Variants in SLC24A3 observed in about 807,000 individuals in gnomAD.
SLC24A3 encodes the protein solute carrier family 24 member 3.
In SLC24A3, 28 loss-of-function variants were observed where a neutral mutation model predicts 75.8. The ratio of observed to expected loss-of-function variants is 0.37; its 90% CI spans 0.27 to 0.51. The LOEUF (loss-of-function observed/expected upper bound fraction) is 0.51, where lower values mean the gene tolerates loss of function less well. Ranked by LOEUF, SLC24A3 falls within the 20% of genes least tolerant of loss-of-function variation. The probability of loss-of-function intolerance (pLI) is 0.94; values close to 1 mark genes in which losing one functional copy is unlikely to be tolerated. For missense variants in SLC24A3, 663 were observed against 847.8 expected (o/e 0.78, Z 2.71); for synonymous variants, 372 against 334.1 (o/e 1.11, Z -1.24).
chr20:19,511,999 A>G (rs1407148106), intron 2 of SLC24A3, among the ~76,000 whole-genome samples: 1 of 152,084 alleles, frequency 6.6e-6, no homozygotes, highest in African/African-American at 2.4e-5. Context: ...CATTCTACCC[A>G]CATTCAACTC....
intron 1 of SLC24A3, among the ~76,000 whole-genome samples, chr20:19,230,220 G>T (rs978780883): frequency 6.6e-6 from 1 of 152,160 alleles, no homozygotes; most frequent in South Asian, 2.1e-4. Flanking sequence ...ACTCTCACCT[G>T]GTCACAATTG....
intron 7 of SLC24A3, among the ~76,000 whole-genome samples, chr20:19,656,158 C>G (rs936195557): frequency 1.3e-5 from 2 of 152,186 alleles, no homozygotes; most frequent in Non-Finnish European, 2.9e-5. Context: ...CCTGCGGAAC[C>G]AGACAGGTAC....
intron 2 of SLC24A3, among the ~76,000 whole-genome samples, chr20:19,485,221 G>A (rs1304495979): frequency 6.6e-6 from 1 of 152,154 alleles, no homozygotes; most frequent in African/African-American, 2.4e-5. Context: ...GTGTGCATAG[G>A]ATGATGCTGT....
intron 2 of SLC24A3, among the ~76,000 whole-genome samples, chr20:19,487,744 C>T (rs1368158644): frequency 2.6e-5 from 4 of 152,198 alleles, no homozygotes; most frequent in Admixed American, 2.6e-4. Context: ...ACGCTAATAT[C>T]CCAGTGAATT....
At chr20:19,519,439 C>T (rs998767499) in intron 3 of SLC24A3, among the ~76,000 whole-genome samples, 4 of 152,114 alleles carry the variant, frequency 2.6e-5, no homozygotes, top group African/African-American at 9.7e-5. Context: ...TTGAATGTTC[C>T]CTTGGATCTT....
chr20:19,213,502 G>A (rs1272993998), intron 1 of SLC24A3: 1 of 152,430 alleles, frequency 6.6e-6, no homozygotes, highest in Admixed American at 6.5e-5. Flanking sequence ...CAGGTGCCGG[G>A]AACTTCAGGG....
At chr20:19,283,784 T>G (rs181041069) in intron 2 of SLC24A3, among the ~76,000 whole-genome samples, 1 of 152,200 alleles carries the variant, frequency 6.6e-6, no homozygotes, top group Non-Finnish European at 1.5e-5. Flanking sequence ...ACTAATAAAG[T>G]GTGGACAGCT....
intron 7 of SLC24A3, among the ~76,000 whole-genome samples, chr20:19,662,700 T>G (rs2032343202): frequency 6.6e-6 from 1 of 152,368 alleles, no homozygotes; most frequent in Middle Eastern, 3.4e-3. Context: ...TTGCTTTGAT[T>G]TCTTTTACTC....
chr20:19,504,515 A>G (rs552980831), intron 2 of SLC24A3, among the ~76,000 whole-genome samples: 2 of 152,344 alleles, frequency 1.3e-5, no homozygotes, highest in East Asian at 3.9e-4. Flanking sequence ...TTTTCATGCA[A>G]TCTCATCCTT....
chr20:19,326,535 G>C (rs574440004), intron 2 of SLC24A3, among the ~76,000 whole-genome samples: 4 of 151,762 alleles, frequency 2.6e-5, no homozygotes, highest in African/African-American at 9.7e-5. Context: ...AGGGTAAAAA[G>C]GAGAATTTCT....
At chr20:19,645,334 G>T (rs2032124219) in intron 6 of SLC24A3, among the ~76,000 whole-genome samples, 1 of 152,154 alleles carries the variant, frequency 6.6e-6, no homozygotes, top group Non-Finnish European at 1.5e-5. Flanking sequence ...TGAAGAGATG[G>T]CAACTGATTG....
chr20:19,708,035 C>T (rs1209388678), intron 15 of SLC24A3, among the ~76,000 whole-genome samples: 1 of 152,108 alleles, frequency 6.6e-6, no homozygotes, highest in African/African-American at 2.4e-5. Flanking sequence ...AAGAAACAAA[C>T]ATTCACTGAA....
At chr20:19,578,218 T>C (rs2031168528) in intron 3 of SLC24A3, among the ~76,000 whole-genome samples, 1 of 152,128 alleles carries the variant, frequency 6.6e-6, no homozygotes, top group Admixed American at 6.5e-5. Context: ...TGATTTTGAT[T>C]TTAGACTGGA....
intron 1 of SLC24A3, among the ~76,000 whole-genome samples, chr20:19,228,686 T>A (rs1177503987): frequency 6.6e-6 from 1 of 151,822 alleles, no homozygotes; most frequent in Admixed American, 6.6e-5. Flanking sequence ...TGTGATCAAA[T>A]GCCTTATTAA....
intron 2 of SLC24A3, among the ~76,000 whole-genome samples, chr20:19,434,188 A>G (rs1464700985): frequency 6.6e-6 from 1 of 152,234 alleles, no homozygotes; most frequent in African/African-American, 2.4e-5. Flanking sequence ...TTGTGCTCAC[A>G]GAAACCCCCA....
chr20:19,277,753 A>G (rs1983529130), intron 1 of SLC24A3, among the ~76,000 whole-genome samples: 2 of 152,220 alleles, frequency 1.3e-5, no homozygotes. Flanking sequence ...TTCTGCTACA[A>G]TAGCTGGCTT....
At chr20:19,463,342 C>A (rs180947709) in intron 2 of SLC24A3, among the ~76,000 whole-genome samples, 1 of 152,138 alleles carries the variant, frequency 6.6e-6, no homozygotes, top group Non-Finnish European at 1.5e-5. Context: ...TACTCAAGGG[C>A]GCAGGTGCCC....
chr20:19,579,584 A>G (rs916878691), intron 3 of SLC24A3, among the ~76,000 whole-genome samples: 6 of 152,244 alleles, frequency 3.9e-5, no homozygotes, highest in African/African-American at 1.2e-4. Context: ...TTAATTTAAC[A>G]TATAATGTAT....
At chr20:19,687,268 G>T (rs2032687437) in intron 12 of SLC24A3, among the ~76,000 whole-genome samples, 1 of 152,160 alleles carries the variant, frequency 6.6e-6, no homozygotes, top group Non-Finnish European at 1.5e-5. Flanking sequence ...AAGCCACAGA[G>T]CCCCTCCACC....
Sources: gnomAD v4.1 joint callset for allele counts (sites outside exome capture counted in the v4.1 genomes callset) on GRCh38, gnomAD v4.1.1 for gene constraint, MANE v1.5 for transcripts, NCBI Gene and HGNC (gene_info 2026-07-23, HGNC 2026-07-21) for gene names.